Variants in CDH18 observed in about 807,000 individuals in gnomAD.
The protein encoded by CDH18 is cadherin-18.
CDH18 carries 31 observed loss-of-function variants against 67.9 expected under a neutral mutation model. That is an observed-to-expected ratio of 0.46 (90% CI 0.34 to 0.62). CDH18 has a LOEUF of 0.62. Among genes scored for constraint, CDH18 ranks in the 20% least tolerant of loss-of-function variants. The pLI is 0.01. For synonymous variants in CDH18, 362 were observed against 347.2 expected, an observed-to-expected ratio of 1.04 and a Z score of -0.48; for missense variants, 890 against 975.5, an observed-to-expected ratio of 0.91 and a Z score of 1.17.
At chr5:19,979,215 AGTGTGT>A (rs113093535) in intron 2 of CDH18, among the ~76,000 whole-genome samples, 9 of 146,944 alleles carry the variant, frequency 6.1e-5, no homozygotes, top group South Asian at 2.2e-4. Flanking sequence ...GTGGGGATGG[AGTGTGT>A]GTGTGTGTGT....
intron 3 of CDH18, among the ~76,000 whole-genome samples, chr5:19,818,820 G>T (rs1779559067): frequency 6.6e-6 from 1 of 152,162 alleles, no homozygotes; most frequent in African/African-American, 2.4e-5. Context: ...ATAGTTGACT[G>T]AAATGTCATT....
At chr5:19,554,235 C>A (rs964102170) in intron 8 of CDH18, among the ~76,000 whole-genome samples, 1 of 152,178 alleles carries the variant, frequency 6.6e-6, no homozygotes, top group Non-Finnish European at 1.5e-5. Context: ...TCTGCACATG[C>A]AATTATAATG....
rs745409555 is a variant in CDH18, at chr5:20,509,719, G to A, written c.-580+65743C>T. On this transcript the variant is annotated intron_variant, in intron 1 of 14. Coordinates refer to the CDH18 transcript ENST00000507958. ...CAGGCATGAGCCATCATGCCCAGCCGATTTTCTTCTTTTTAAGGTTGCATA... is the reference window on the plus strand; with the variant it reads ...CAGGCATGAGCCATCATGCCCAGCCAATTTTCTTCTTTTTAAGGTTGCATA... 5.6e-4 allele frequency among the ~76,000 whole-genome samples: 24 copies of A among 43,012 alleles called. 1 individual carries two copies. The highest frequency in any genetic ancestry group is 0.012 in the Middle Eastern group (1 of 82). 28.2% of individuals were successfully genotyped at this position (43,012 alleles called of 152,430 possible). A position where few individuals can be genotyped will look rare whatever the true frequency, so the allele number is the denominator to read the frequency against.
chr5:19,891,880 A>T (rs746974360), intron 2 of CDH18, among the ~76,000 whole-genome samples: 11 of 152,254 alleles, frequency 7.2e-5, no homozygotes, highest in Non-Finnish European at 1.2e-4. Context: ...TCCTAGGAGC[A>T]AAGCAGGAGA....
intron 9 of CDH18, among the ~76,000 whole-genome samples, chr5:19,537,881 A>C (rs1009608338): frequency 3.3e-5 from 5 of 152,224 alleles, no homozygotes; most frequent in African/African-American, 1.2e-4. Flanking sequence ...AGATACTTTA[A>C]GATAAAGATT....
At chr5:19,507,312 G>T (rs1214668900) in intron 10 of CDH18, among the ~76,000 whole-genome samples, 2 of 152,198 alleles carry the variant, frequency 1.3e-5, no homozygotes, top group Admixed American at 6.6e-5. Flanking sequence ...TGATGGGAAT[G>T]TAAACTAGTT....
At chr5:20,279,613 C>T (rs535837916) in intron 1 of CDH18, among the ~76,000 whole-genome samples, 12 of 142,790 alleles carry the variant, frequency 8.4e-5, no homozygotes, top group East Asian at 4.5e-4. Flanking sequence ...GCAGGAGAAC[C>T]GCTTGAACCT....
chr5:19,477,193 AG>A (rs990791880), intron 12 of CDH18, among the ~76,000 whole-genome samples: 1 of 150,504 alleles, frequency 6.6e-6, no homozygotes, highest in Non-Finnish European at 1.5e-5. Context: ...TTTGAGTGAA[AG>A]GGGATGTTGT....
At chr5:19,905,632 T>A (rs1424881033) in intron 2 of CDH18, among the ~76,000 whole-genome samples, 3 of 151,960 alleles carry the variant, frequency 2.0e-5, no homozygotes, top group Non-Finnish European at 4.4e-5. Context: ...GATAATATTA[T>A]TTTTTTACCT....
chr5:19,587,287 C>T (rs546768943), intron 7 of CDH18, among the ~76,000 whole-genome samples: 1 of 152,208 alleles, frequency 6.6e-6, no homozygotes, highest in Non-Finnish European at 1.5e-5. Context: ...ACTTTTGCAT[C>T]AACCTAACAG....
chr5:20,107,662 G>T (rs948613084), intron 2 of CDH18, among the ~76,000 whole-genome samples: 15 of 152,108 alleles, frequency 9.9e-5, no homozygotes, highest in African/African-American at 3.6e-4. Context: ...TTCTCCTGAG[G>T]CCTTTCTCCT....
intron 4 of CDH18, among the ~76,000 whole-genome samples, chr5:19,734,868 T>C (rs1031679660): frequency 6.6e-6 from 1 of 152,184 alleles, no homozygotes; most frequent in African/African-American, 2.4e-5. Context: ...AGGGGTGATA[T>C]ATCAGAAAGA....
chr5:20,070,713 T>C (rs1743410222), intron 2 of CDH18, among the ~76,000 whole-genome samples: 2 of 152,190 alleles, frequency 1.3e-5, no homozygotes, highest in Admixed American at 6.5e-5. Context: ...AGAGAACAAA[T>C]GTAAACATTA....
intron 2 of CDH18, among the ~76,000 whole-genome samples, chr5:19,855,406 G>C (rs1202024311): frequency 6.6e-6 from 1 of 151,344 alleles, no homozygotes; most frequent in African/African-American, 2.5e-5. Context: ...TAAATTTATA[G>C]TATCTTTGAT....
chr5:20,341,282 C>G (rs996405972), intron 1 of CDH18, among the ~76,000 whole-genome samples: 2 of 152,026 alleles, frequency 1.3e-5, no homozygotes, highest in Admixed American at 6.6e-5. Context: ...AATCAGCAAC[C>G]AGCGAATATA....
intron 10 of CDH18, among the ~76,000 whole-genome samples, chr5:19,510,785 C>T (rs1036084438): frequency 1.3e-5 from 2 of 151,454 alleles, no homozygotes; most frequent in African/African-American, 4.9e-5. Context: ...ATGCTGTTCT[C>T]CTGTTAGTGA....
chr5:20,198,087 T>C (rs1462848272), intron 2 of CDH18, among the ~76,000 whole-genome samples: 1 of 152,158 alleles, frequency 6.6e-6, no homozygotes, highest in Non-Finnish European at 1.5e-5. Flanking sequence ...TCCCCAGCCA[T>C]GTGGAACTGT....
At chr5:20,358,135 C>A (rs1411908594) in intron 1 of CDH18, among the ~76,000 whole-genome samples, 4 of 152,082 alleles carry the variant, frequency 2.6e-5, no homozygotes, top group African/African-American at 9.7e-5. Flanking sequence ...ACAATAGATA[C>A]TGGAGACTAC....
At chr5:20,504,988 C>T (rs1002987149) in intron 1 of CDH18, among the ~76,000 whole-genome samples, 5 of 151,880 alleles carry the variant, frequency 3.3e-5, no homozygotes, top group East Asian at 2.0e-4. Flanking sequence ...AGGATGGTCT[C>T]GATCTCCTGA....
Sources: allele counts gnomAD v4.1 joint callset (sites outside exome capture counted in the v4.1 genomes callset), GRCh38; gene constraint gnomAD v4.1.1; transcripts MANE v1.5; gene names NCBI Gene and HGNC (gene_info 2026-07-23, HGNC 2026-07-21).